CEP164: variants seen among roughly 807,000 people sequenced by gnomAD.
The protein encoded by CEP164 is centrosomal protein 164, also known as centrosomal protein of 164 kDa.
A neutral mutation model predicts 182.7 loss-of-function variants in CEP164; 162 were observed. That is an observed-to-expected ratio of 0.89 (90% CI 0.78 to 1.01). The LOEUF (loss-of-function observed/expected upper bound fraction) is 1.01, where lower values mean the gene tolerates loss of function less well. CEP164 is among the 50% of genes least tolerant of loss of function. The pLI is 0.00. For synonymous variants in CEP164, 661 were observed against 690.0 expected, an observed-to-expected ratio of 0.96 and a Z score of 0.66; for missense variants, 1,735 against 1,790.4, an observed-to-expected ratio of 0.97 and a Z score of 0.56.
At position 117,409,883 on chromosome 11, in the gene CEP164, AGGGCAG is replaced by A. The variant is rs2047136644; in HGVS notation, c.4019_4024del (p.Gln1340_Gly1341del). The A allele has an allele frequency of 6.2e-7, 1 of 1,605,174 alleles. No homozygotes were observed. Among genetic ancestry groups the A allele is most frequent in the Admixed American group, 1.7e-5 (1 of 57,676 alleles). Reference sequence around the variant, plus strand: ...CGTCCACCCAATGGGCCTGGGATTCAGGGCAGGGGCCCAGGCTCCCCTCCTCTGTGG... The same window carrying A: ...CGTCCACCCAATGGGCCTGGGATTCAGGGCCCAGGCTCCCCTCCTCTGTGG... On this transcript the variant is annotated inframe_deletion, in exon 30 of 33. Transcript: ENST00000278935. The surrounding 1 kb of genome is among the most constrained non-coding windows in gnomAD (Gnocchi z 4.4).
chr11:117,338,477 C>A, intron 2 of CEP164, 89 bp from the exon 3 acceptor site: 1 of 934,606 alleles, frequency 1.1e-6, no homozygotes, highest in Non-Finnish European at 1.7e-6. Context: ...TCTGGTTTGA[C>A]CCAGATGCTC....
At chr11:117,396,437 C>A (rs1441403143) in intron 25 of CEP164, 113 bp from the exon 26 acceptor site, 7 of 911,376 alleles carry the variant, frequency 7.7e-6, no homozygotes, top group Non-Finnish European at 1.1e-5. Context: ...CAGTGCCTGG[C>A]AGCTAGAGAG....
At chr11:117,338,962 C>T (rs931998497) in intron 3 of CEP164, among the ~76,000 whole-genome samples, 1 of 151,992 alleles carries the variant, frequency 6.6e-6, no homozygotes, top group South Asian at 2.1e-4. Flanking sequence ...GGATTACAGG[C>T]GTGCACCACC....
chr11:117,411,289 T>G lies in CEP164; in HGVS notation c.4163+395T>G. On this transcript the variant is annotated intron_variant, in intron 31 of 32. Coordinates refer to ENST00000278935, the MANE Select transcript of CEP164 (RefSeq NM_014956.5). This position sits in a 1 kb window ranked among gnomAD's most constrained non-coding sequence, Gnocchi z 4.4. Reference sequence around the variant, plus strand: ...TTGTTTGCTTCCTGTGGCTCCCTTATTCCCCCAGTCCTGCTGAGCAACATC... The same window carrying G: ...TTGTTTGCTTCCTGTGGCTCCCTTAGTCCCCCAGTCCTGCTGAGCAACATC... 8.2e-6 allele frequency: 2 copies of G among 245,368 alleles called. No homozygotes were observed. The highest frequency in any genetic ancestry group is 1.6e-5 in the Non-Finnish European group (2 of 123,594). The allele number at this position is 245,368 out of a possible 1,614,324, so 15.2% of individuals were successfully genotyped here.
Position 117,409,310 on chromosome 11 carries a change from G to A in CEP164, c.3748+282G>A. ...TCTCTTCCAGGGCCTCCTTGAGGAG[G>A]CTTTTCTCTCTCAGCTGCCCTGGCC... is the stretch of plus-strand genomic sequence containing the variant. On this transcript the variant is annotated intron_variant, in intron 29 of 32. Transcript: ENST00000278935. The surrounding 1 kb of genome is among the most constrained non-coding windows in gnomAD (Gnocchi z 4.4). The A allele has an allele frequency of 1.7e-6, 1 of 576,348 alleles. No individual in the cohort carries two copies. The highest frequency in any genetic ancestry group is 1.9e-5 in the African/African-American group (1 of 53,726). 35.7% of individuals were successfully genotyped at this position (576,348 alleles called of 1,614,324 possible). A position where few individuals can be genotyped will look rare whatever the true frequency, so the allele number is the denominator to read the frequency against.
rs894493619 is a variant in CEP164 at position 117,411,543 on chromosome 11, G to A, written c.4164-252G>A. The A allele has an allele frequency of 2.5e-5, 11 of 441,930 alleles. No homozygotes were observed. Among genetic ancestry groups the A allele is most frequent in the Middle Eastern group, 6.6e-4 (1 of 1,522 alleles). 27.4% of individuals were successfully genotyped at this position (441,930 alleles called of 1,614,324 possible). On this transcript the variant is annotated intron_variant, in intron 31 of 32. Transcript: ENST00000278935. This position sits in a 1 kb window ranked among gnomAD's most constrained non-coding sequence, Gnocchi z 4.4. ...GCTGATGAGATTGGCGGGAGCAGGC[G>A]GATGTGGGAGCCCAGAGCCTTGTAT...
intron 5 of CEP164, among the ~76,000 whole-genome samples, chr11:117,359,863 G>A (rs1362795408): frequency 1.3e-5 from 2 of 152,148 alleles, no homozygotes; most frequent in Non-Finnish European, 2.9e-5. Flanking sequence ...TGCACACCTA[G>A]TCAGGTGGCA....
At chr11:117,399,909 G>A (rs1156399570) in intron 27 of CEP164, among the ~76,000 whole-genome samples, 1 of 152,122 alleles carries the variant, frequency 6.6e-6, no homozygotes, top group Admixed American at 6.5e-5. Flanking sequence ...TGGGTAGATT[G>A]CAAAAATTTT....
intron 11 of CEP164, among the ~76,000 whole-genome samples, chr11:117,379,426 G>A (rs1206533658): frequency 6.6e-6 from 1 of 152,330 alleles, no homozygotes; most frequent in African/African-American, 2.4e-5. Context: ...CACCTCTCCT[G>A]TTGACCCTGT....
chr11:117,382,623 A>G (rs2043458733), intron 13 of CEP164, 173 bp from the exon 14 acceptor site: 2 of 698,600 alleles, frequency 2.9e-6, no homozygotes. Flanking sequence ...CTTTGATGCA[A>G]ATAATTCAGG....
At chr11:117,367,499 G>A (rs1289902807) in intron 8 of CEP164, among the ~76,000 whole-genome samples, 1 of 152,172 alleles carries the variant, frequency 6.6e-6, no homozygotes, top group Non-Finnish European at 1.5e-5. Context: ...ATTCTCTCAC[G>A]TGTAAGAATG....
chr11:117,351,728 C>CTTTTTTTTTTTTT, intron 4 of CEP164, 62 bp from the exon 5 acceptor site: 28 of 1,332,756 alleles, frequency 2.1e-5, no homozygotes, highest in South Asian at 7.0e-5. Context: ...TTTTTCCCCT[C>CTTTTTTTTTTTTT]TTTTTTTTTT....
Position 117,397,231 on chromosome 11 carries a change from A to G in CEP164, c.3419A>G (p.His1140Arg), listed in dbSNP as rs769825297. The G allele has an allele frequency of 3.7e-6, 6 of 1,614,138 alleles. No individual in the cohort carries two copies. Among genetic ancestry groups the G allele is most frequent in the East Asian group, 2.2e-5 (1 of 44,898 alleles). The change falls in exon 27 of 33, where the codon CAT becomes CGT. Residue 1140 changes from histidine (H) to arginine (R), a missense_variant. Coordinates refer to ENST00000278935, the MANE Select transcript of CEP164 (RefSeq NM_014956.5). ...ALKAAQQHWR[H>R]ELASAQEVAK... ...AAAGCTGCCCAGCAGCATTGGCGCCATGAGCTGGCCAGTGCGCAGGAGGTG... is the reference window on the plus strand; with the variant it reads ...AAAGCTGCCCAGCAGCATTGGCGCCGTGAGCTGGCCAGTGCGCAGGAGGTG...
At chr11:117,356,409 G>T (rs756297340) in intron 5 of CEP164, 187 of 1,218,836 alleles carry the variant, frequency 1.5e-4, no homozygotes, top group Non-Finnish European at 1.9e-4. Context: ...GAGGCCATCA[G>T]AGTCATGGAG....
chr11:117,358,948 CTT>C (rs61487104), intron 5 of CEP164, among the ~76,000 whole-genome samples: 24 of 142,768 alleles, frequency 1.7e-4, no homozygotes, highest in Non-Finnish European at 2.1e-4. Context: ...GGGCAGGGTT[CTT>C]TTTTTTTTTT....
intron 2 of CEP164, among the ~76,000 whole-genome samples, chr11:117,337,178 C>T (rs2037290880): frequency 6.6e-6 from 1 of 152,022 alleles, no homozygotes; most frequent in African/African-American, 2.4e-5. Flanking sequence ...GCTAGAAGGC[C>T]CATATCAAAG....
At position 117,387,255 on chromosome 11, in the gene CEP164, A is replaced by T; in HGVS notation, c.1777A>T (p.Lys593Ter). The change falls in exon 15 of 33, where the codon AAG becomes TAG. Residue 593 changes from lysine (K) to a stop codon, truncating the protein, a stop_gained. Coordinates refer to ENST00000278935, the MANE Select transcript of CEP164 (RefSeq NM_014956.5). LOFTEE classifies it high-confidence loss of function. Reference sequence around the variant, plus strand: ...AGAGCAGCTCTCAGAGGCTGCACTAAAGGCCATGGAAGAGGCAGTGGCCCA... The same window carrying T: ...AGAGCAGCTCTCAGAGGCTGCACTATAGGCCATGGAAGAGGCAGTGGCCCA... ...PPEQLSEAAL[K>*]AMEEAVAQVL... 1 of 1,614,212 alleles carries T rather than the reference A, an allele frequency of 6.2e-7. No individual in the cohort carries two copies. Among genetic ancestry groups the T allele is most frequent in the Non-Finnish European group, 8.5e-7 (1 of 1,180,022 alleles).
chr11:117,365,597 G>A (rs2041540931), intron 8 of CEP164, among the ~76,000 whole-genome samples: 1 of 150,246 alleles, frequency 6.7e-6, no homozygotes. Context: ...CTTTTTTTTA[G>A]ATGAAGTCTC....
chr11:117,356,830 G>A (rs565355682), intron 5 of CEP164, among the ~76,000 whole-genome samples: 26 of 152,304 alleles, frequency 1.7e-4, no homozygotes, highest in African/African-American at 6.0e-4. Context: ...AGGGCTGAGG[G>A]TATCTCTGAT....
Sources: gnomAD v4.1 joint callset for allele counts (sites outside exome capture counted in the v4.1 genomes callset) on GRCh38, gnomAD v4.1.1 for gene constraint, Gnocchi (gnomAD v3.1) non-coding constraint, MANE v1.5 for transcripts, NCBI Gene and HGNC (gene_info 2026-07-23, HGNC 2026-07-21) for gene names.